The following CCBE1 variants were observed in gnomAD, a reference collection of about 807,000 sequenced individuals.
CCBE1 encodes collagen and calcium-binding EGF domain-containing protein 1.
In CCBE1, 37 loss-of-function variants were observed where a neutral mutation model predicts 50.0. That is an observed-to-expected ratio of 0.74 (90% CI 0.57 to 0.97). The LOEUF (loss-of-function observed/expected upper bound fraction) is 0.97. Among genes scored for constraint, CCBE1 ranks in the 50% least tolerant of loss-of-function variants. CCBE1 has a pLI of 0.00. For synonymous variants in CCBE1, 234 were observed against 203.7 expected (o/e 1.15, Z -1.27); for missense variants, 538 against 523.8 (o/e 1.03, Z -0.26).
chr18:59,554,025 T>C (rs1177007418), intron 2 of CCBE1, among the ~76,000 whole-genome samples: 1 of 152,200 alleles, frequency 6.6e-6, no homozygotes, highest in Non-Finnish European at 1.5e-5. Context: ...TTTTTAGAGA[T>C]AAGGTCTCAC....
At chr18:59,554,851 C>T (rs928839610) in intron 2 of CCBE1, among the ~76,000 whole-genome samples, 4 of 152,328 alleles carry the variant, frequency 2.6e-5, no homozygotes, top group South Asian at 2.1e-4. Flanking sequence ...GAGTGCAGGT[C>T]ATGGCCCTTC....
At chr18:59,518,936 A>G (rs980798420) in intron 2 of CCBE1, among the ~76,000 whole-genome samples, 1 of 152,196 alleles carries the variant, frequency 6.6e-6, no homozygotes, top group African/African-American at 2.4e-5. Flanking sequence ...TATGATTCCC[A>G]GAGTTCCCAG....
In CCBE1 at chr18:59,469,454, A is replaced by T. The variant is rs1197446568; in HGVS notation, c.400+19T>A. ...AGGCACATGTTCAGAAGCTGGAAACAAGCACATTCCCAACACACCCAGACA... is the reference window on the plus strand; with the variant it reads ...AGGCACATGTTCAGAAGCTGGAAACTAGCACATTCCCAACACACCCAGACA... On this transcript the variant is annotated intron_variant, in intron 4 of 10. Coordinates refer to ENST00000439986, the MANE Select transcript of CCBE1 (RefSeq NM_133459.4). 6.2e-7 allele frequency: 1 copy of T among 1,614,150 alleles called. No individual in the cohort carries two copies. Among genetic ancestry groups the T allele is most frequent in the Admixed American group, 1.7e-5 (1 of 60,022 alleles).
At chr18:59,650,411 G>T (rs1314514632) in intron 2 of CCBE1, among the ~76,000 whole-genome samples, 1 of 150,878 alleles carries the variant, frequency 6.6e-6, no homozygotes, top group Non-Finnish European at 1.5e-5. Context: ...ATGACATTTA[G>T]CCTCCTGTTC....
At chr18:59,679,772 C>T (rs1299404162) in intron 2 of CCBE1, among the ~76,000 whole-genome samples, 2 of 152,164 alleles carry the variant, frequency 1.3e-5, no homozygotes, top group East Asian at 1.9e-4. Flanking sequence ...CTACATGTGC[C>T]TAAGGTGGCC....
At chr18:59,503,317 C>T (rs982126916) in intron 2 of CCBE1, among the ~76,000 whole-genome samples, 4 of 152,070 alleles carry the variant, frequency 2.6e-5, no homozygotes, top group African/African-American at 7.3e-5. Context: ...GTTATGGAGC[C>T]GATCAACCTG....
intron 2 of CCBE1, among the ~76,000 whole-genome samples, chr18:59,523,131 T>C (rs982814961): frequency 2.0e-5 from 3 of 151,732 alleles, no homozygotes; most frequent in Non-Finnish European, 4.4e-5. Context: ...GTTCCACCAA[T>C]GACTACTCCT....
intron 2 of CCBE1, among the ~76,000 whole-genome samples, chr18:59,582,674 A>T (rs2053103091): frequency 6.6e-6 from 1 of 152,120 alleles, no homozygotes; most frequent in Non-Finnish European, 1.5e-5. Context: ...GCCACCCCCC[A>T]GTCCACACCC....
intron 2 of CCBE1, among the ~76,000 whole-genome samples, chr18:59,550,959 C>G (rs9959566): frequency 7.7e-6 from 1 of 129,308 alleles, no homozygotes. Flanking sequence ...GAGCTGAGAT[C>G]GCGCCACTGC....
At chr18:59,666,758 G>T (rs1240244125) in intron 2 of CCBE1, among the ~76,000 whole-genome samples, 1 of 151,966 alleles carries the variant, frequency 6.6e-6, no homozygotes, top group African/African-American at 2.4e-5. Flanking sequence ...TGAGGTCAGG[G>T]GATCAAGACC....
intron 2 of CCBE1, among the ~76,000 whole-genome samples, chr18:59,668,238 T>C (rs2054381639): frequency 6.6e-6 from 1 of 151,970 alleles, no homozygotes; most frequent in Non-Finnish European, 1.5e-5. Context: ...GCCAAGATGG[T>C]GAAACCCAGT....
At chr18:59,438,866 C>A (rs751113094) in intron 9 of CCBE1, among the ~76,000 whole-genome samples, 1 of 152,080 alleles carries the variant, frequency 6.6e-6, no homozygotes, top group Admixed American at 6.5e-5. Flanking sequence ...GAGAGACCTT[C>A]AGGCCGGGAG....
intron 5 of CCBE1, chr18:59,462,357 C>G (rs371040333): frequency 5.9e-5 from 9 of 152,140 alleles, no homozygotes; most frequent in African/African-American, 2.2e-4. Flanking sequence ...CTTCAGGATA[C>G]CATCACTTGT....
Position 59,573,284 on chromosome 18 carries a change from A to AATATATATATATAT in CCBE1, c.213-93060_213-93047dup, listed in dbSNP as rs71336346. On this transcript the variant is annotated intron_variant, in intron 2 of 10. Transcript: ENST00000439986. The stretch of plus-strand genomic sequence containing the variant: ...TGGGCAATATAGTGAGACTCCGTCT[A>AATATATATATATAT]ATATATATATATATATATGTATGTA... Among the ~76,000 whole-genome samples, 409 of 93,654 alleles carry AATATATATATATAT rather than the reference A, an allele frequency of 4.4e-3. 22 individuals carry two copies. The highest frequency in any genetic ancestry group is 0.013 in the African/African-American group (304 of 22,760). The allele number at this position is 93,654 out of a possible 152,430, so 61.4% of individuals were successfully genotyped here.
intron 5 of CCBE1, among the ~76,000 whole-genome samples, chr18:59,457,150 A>T (rs960099842): frequency 6.6e-6 from 1 of 152,202 alleles, no homozygotes; most frequent in Admixed American, 6.5e-5. Flanking sequence ...TTTATGTGTA[A>T]CCAACATAAC....
intron 2 of CCBE1, among the ~76,000 whole-genome samples, chr18:59,521,565 A>T (rs1236681940): frequency 6.6e-6 from 1 of 151,872 alleles, no homozygotes; most frequent in African/African-American, 2.4e-5. Context: ...CCCTCTTCCC[A>T]CCCACACATC....
chr18:59,683,562 GT>G (rs1476623267), intron 2 of CCBE1, among the ~76,000 whole-genome samples: 5 of 152,112 alleles, frequency 3.3e-5, no homozygotes, highest in African/African-American at 1.2e-4. Context: ...GCCAGGAGTG[GT>G]GGCGCACGCC....
chr18:59,606,143 A>T (rs576491945), intron 2 of CCBE1, among the ~76,000 whole-genome samples: 2 of 152,332 alleles, frequency 1.3e-5, no homozygotes, highest in East Asian at 3.9e-4. Context: ...TTAACTGTCC[A>T]TTCATTGTTT....
intron 2 of CCBE1, among the ~76,000 whole-genome samples, chr18:59,642,975 A>G (rs1394960760): frequency 6.7e-6 from 1 of 149,882 alleles, no homozygotes; most frequent in Non-Finnish European, 1.5e-5. Context: ...AAAAAATTAC[A>G]ATGAAGGATA....
Sources: allele counts gnomAD v4.1 joint callset (sites outside exome capture counted in the v4.1 genomes callset), GRCh38; gene constraint gnomAD v4.1.1; transcripts MANE v1.5; gene names NCBI Gene and HGNC (gene_info 2026-07-23, HGNC 2026-07-21).